Variants in PIK3R6 observed in about 807,000 individuals in gnomAD.
PIK3R6 encodes phosphoinositide-3-kinase regulatory subunit 6.
A neutral mutation model predicts 84.9 loss-of-function variants in PIK3R6; 91 were observed. The observed-to-expected ratio is 1.07, with a 90% CI of 0.90 to 1.28. The LOEUF is 1.28. PIK3R6 is among the 50% of genes most tolerant of loss of function. The pLI is 0.00. For missense variants in PIK3R6, 996 were observed against 985.1 expected (o/e 1.01, Z -0.15); for synonymous variants, 416 against 411.4 (o/e 1.01, Z -0.13).
At position 8,832,976 on chromosome 17, in the gene PIK3R6, C is replaced by T; in HGVS notation, c.715G>A (p.Glu239Lys). 1 of 1,612,050 alleles carries T rather than the reference C, an allele frequency of 6.2e-7. No individual in the cohort carries two copies. The highest frequency in any genetic ancestry group is 8.5e-7 in the Non-Finnish European group (1 of 1,179,644). ...TGTCCCTCCCGGCTCGGGCTGGCCT[C>T]GCTGGCCATCTGCTCCAAGGCGGCC... The part of the protein sequence containing the change: ...VVAALEQMAS[E>K]ASPSREGHVE... The change falls in exon 9 of 20, where the codon GAG (glutamate) becomes AAG (lysine). Residue 239 changes from glutamate to lysine, a missense_variant. By Grantham distance (56) the Glu-to-Lys change is moderately conservative (BLOSUM62 1). Coordinates refer to ENST00000619866, the MANE Select transcript of PIK3R6 (RefSeq NM_001010855.4).
intron 1 of PIK3R6, among the ~76,000 whole-genome samples, chr17:8,863,691 C>T (rs546778524): frequency 6.6e-5 from 10 of 152,264 alleles, no homozygotes; most frequent in South Asian, 2.1e-4. Flanking sequence ...CACACCACCA[C>T]GCCCAGCTAA....
intron 17 of PIK3R6, among the ~76,000 whole-genome samples, chr17:8,820,653 C>CA (rs2087705122): frequency 6.6e-6 from 1 of 152,206 alleles, no homozygotes; most frequent in East Asian, 1.9e-4. Context: ...ATGTCATCCA[C>CA]AAATTCAACT....
intron 2 of PIK3R6, among the ~76,000 whole-genome samples, chr17:8,843,132 T>A (rs1300017116): frequency 6.6e-6 from 1 of 152,222 alleles, no homozygotes; most frequent in African/African-American, 2.4e-5. Context: ...CCCCAGACTG[T>A]TGAGGAAATC....
chr17:8,855,218 CAAAACAA>C (rs1297203143), intron 1 of PIK3R6, among the ~76,000 whole-genome samples: 4 of 143,310 alleles, frequency 2.8e-5, no homozygotes, highest in African/African-American at 1.1e-4. Flanking sequence ...CAAAACAAAA[CAAAACAA>C]AACAACAATA....
chr17:8,805,441 T>C (rs2087175566), intron 18 of PIK3R6, among the ~76,000 whole-genome samples: 1 of 152,102 alleles, frequency 6.6e-6, no homozygotes, highest in African/African-American at 2.4e-5. Context: ...CTTTCTCTTC[T>C]TGGTTTGTCC....
intron 1 of PIK3R6, among the ~76,000 whole-genome samples, chr17:8,850,507 T>G (rs573603194): frequency 6.6e-6 from 1 of 152,236 alleles, no homozygotes; most frequent in East Asian, 1.9e-4. Context: ...CAAAGTTAAA[T>G]AGCTAGTAAG....
At chr17:8,820,176 T>C (rs1337239375) in intron 17 of PIK3R6, among the ~76,000 whole-genome samples, 2 of 150,296 alleles carry the variant, frequency 1.3e-5, no homozygotes. Flanking sequence ...GTGTCAAAAA[T>C]CATCACTGTG....
chr17:8,829,626 ACT>A, intron 10 of PIK3R6, 78 bp downstream of exon 10: 1 of 1,385,254 alleles, frequency 7.2e-7, no homozygotes, highest in Non-Finnish European at 1.0e-6. Flanking sequence ...ACGCATGCAC[ACT>A]GACACACACT....
At position 8,822,632 on chromosome 17, in the gene PIK3R6, G is replaced by A. The variant is rs368801927; in HGVS notation, c.1743C>T (p.Gly581=). ...GCTCTGCCCCTGGGCCCTCAGCCACGCCTCTCCTCCTGGGTGAAAAGCCAT... is the reference window on the plus strand; with the variant it reads ...GCTCTGCCCCTGGGCCCTCAGCCACACCTCTCCTCCTGGGTGAAAAGCCAT... ...PKDGFSPRRR[G]VAEGPGAELS... is the part of the protein sequence containing the mutation. The change falls in exon 16 of 20, where the codon GGC becomes GGT. Residue 581 remains glycine (G), a synonymous_variant. Transcript: ENST00000619866. The A allele has an allele frequency of 2.5e-4, 411 of 1,613,858 alleles. No individual in the cohort carries two copies. The highest frequency in any genetic ancestry group is 3.2e-4 in the Non-Finnish European group (381 of 1,179,884).
In PIK3R6 at chr17:8,838,640, G is replaced by A. The variant is rs771664204; in HGVS notation, c.113C>T (p.Ser38Phe). ...LQSNQGMWRW[S>F]LHKKVERDPG... ...ATCTCGCTCGACCTTCTTGTGCAGG[G>A]ACCACCTCCACATGCCTGGGCCAGG... The change falls in exon 4 of 20, where the codon TCC (serine) becomes TTC (phenylalanine). Residue 38 changes from serine to phenylalanine, a missense_variant. Physicochemically the swap from Ser to Phe is radical, Grantham distance 155 (BLOSUM62 -2). Transcript: ENST00000619866. 6 of 1,603,166 alleles carry A rather than the reference G, an allele frequency of 3.7e-6. No individual in the cohort carries two copies. The South Asian group carries it at 5.6e-5, about 15-fold the overall frequency.
chr17:8,851,915 CAT>C (rs959662625), intron 1 of PIK3R6, among the ~76,000 whole-genome samples: 1 of 152,214 alleles, frequency 6.6e-6, no homozygotes, highest in African/African-American at 2.4e-5. Flanking sequence ...ATGATTTATA[CAT>C]AGAGTGGAAA....
rs182465122 is a variant in PIK3R6, at chr17:8,845,131, C to T, written c.13+4651G>A. On this transcript the variant is annotated intron_variant, in intron 2 of 19. Transcript: ENST00000619866. ...CTTTTGTGAATAGTGCTGCAATGAA[C>T]GTGCAAGTGCATGGGTCTTTTTGAT... is the stretch of plus-strand genomic sequence containing the variant. 9.7e-4 allele frequency among the ~76,000 whole-genome samples: 147 copies of T among 152,260 alleles called. 1 individual carries two copies. Among genetic ancestry groups the T allele is most frequent in the Non-Finnish European group, 1.7e-3 (114 of 68,032 alleles).
intron 16 of PIK3R6, 37 bp downstream of exon 16, chr17:8,822,550 T>G: frequency 6.2e-7 from 1 of 1,607,070 alleles, no homozygotes; most frequent in Non-Finnish European, 8.5e-7. Flanking sequence ...CAGCTGTACC[T>G]CTTGGCTACC....
At position 8,848,612 on chromosome 17, in the gene PIK3R6, T is replaced by A. The variant is rs147758645; in HGVS notation, c.13+1170A>T. Among the ~76,000 whole-genome samples the A allele has an allele frequency of 1.5e-4, 23 of 151,642 alleles. No homozygotes were observed. The East Asian group carries it at 4.4e-3, about 29-fold the overall frequency. On this transcript the variant is annotated intron_variant, in intron 2 of 19. Transcript: ENST00000619866. ...GTACAGTAAAAATATGGTACTCTCTTATGGGACCGCTGCTGTTTATAAGGC... is the reference window on the plus strand; with the variant it reads ...GTACAGTAAAAATATGGTACTCTCTAATGGGACCGCTGCTGTTTATAAGGC...
chr17:8,826,618 G>A (rs1246073540), intron 13 of PIK3R6, among the ~76,000 whole-genome samples: 2 of 152,048 alleles, frequency 1.3e-5, no homozygotes, highest in Non-Finnish European at 2.9e-5. Flanking sequence ...CACACACCGG[G>A]GCCTGTCTGG....
At chr17:8,837,707 C>T (rs2088526071) in intron 5 of PIK3R6, 96 bp downstream of exon 5, 14 of 1,081,184 alleles carry the variant, frequency 1.3e-5, no homozygotes, top group East Asian at 5.0e-5. Flanking sequence ...TTTCTAGGCT[C>T]ATCCTGGCGG....
intron 17 of PIK3R6, among the ~76,000 whole-genome samples, chr17:8,821,183 G>A (rs981253215): frequency 1.3e-5 from 2 of 152,104 alleles, no homozygotes; most frequent in African/African-American, 4.8e-5. Flanking sequence ...TGGCAATCCC[G>A]GGGGAGGCAG....
intron 2 of PIK3R6, among the ~76,000 whole-genome samples, chr17:8,848,005 C>T (rs565032399): frequency 1.3e-5 from 2 of 152,262 alleles, no homozygotes; most frequent in Admixed American, 1.3e-4. Flanking sequence ...TTAGCTTCAG[C>T]CTTGGTGTGG....
intron 1 of PIK3R6, among the ~76,000 whole-genome samples, chr17:8,852,712 C>T (rs2089004490): frequency 1.4e-5 from 2 of 143,830 alleles, no homozygotes; most frequent in African/African-American, 5.3e-5. Flanking sequence ...GCACTCCAGC[C>T]TGGGTGACAG....
Sources: allele counts gnomAD v4.1 joint callset (sites outside exome capture counted in the v4.1 genomes callset), GRCh38; gene constraint gnomAD v4.1.1; transcripts MANE v1.5; gene names NCBI Gene and HGNC (gene_info 2026-07-23, HGNC 2026-07-21).